FLCN: variants seen among roughly 807,000 people sequenced by gnomAD.
The protein encoded by FLCN is folliculin.
A neutral mutation model predicts 62.5 loss-of-function variants in FLCN; 22 were observed. The observed-to-expected ratio is 0.35, with a 90% confidence interval of 0.25 to 0.50. The LOEUF is 0.50. FLCN is among the 20% of genes least tolerant of loss of function. The pLI is 0.97. For synonymous variants in FLCN, 319 were observed against 310.0 expected (o/e 1.03, Z -0.30); for missense variants, 657 against 778.0 (o/e 0.84, Z 1.85).
chr17:17,235,015 G>A (rs182152167), intron 1 of FLCN, among the ~76,000 whole-genome samples: 87 of 152,000 alleles, frequency 5.7e-4, no homozygotes, highest in Non-Finnish European at 1.2e-3. Flanking sequence ...GGGAGGCCGA[G>A]GGAGGAGAAT....
At chr17:17,219,505 C>G in intron 8 of FLCN, 1 of 402,012 alleles carries the variant, frequency 2.5e-6, no homozygotes, top group Non-Finnish European at 4.6e-6. Flanking sequence ...AGCGTGTCTA[C>G]GGAACACACC....
At chr17:17,235,522 T>A (rs1053622769) in intron 1 of FLCN, 2 of 152,242 alleles carry the variant, frequency 1.3e-5, no homozygotes, top group Admixed American at 1.3e-4. Flanking sequence ...ACTCCATGGA[T>A]CATGTGCACC....
chr17:17,237,329 C>G (rs8077113), upstream of FLCN: 9,732 of 152,574 alleles, frequency 0.064, 995 homozygotes, highest in African/African-American at 0.21. Context: ...CGAGGTCTGA[C>G]TGGGAAGCAG....
Position 17,224,038 on chromosome 17 carries a change from G to A in FLCN, c.502C>T (p.Arg168Cys), listed in dbSNP as rs587778367. ...ATGATGGTGATGATGCTGTACCAGC[G>A]CTGGAAGCCCCTGGCCAGGCTGTCC... ...IKDSLARGFQ[R>C]WYSIITIMMD... is the part of the protein sequence containing the mutation. The change falls in exon 6 of 14, where the codon CGC (arginine) becomes TGC (cysteine). Residue 168 changes from arginine (R) to cysteine (C), a missense_variant. Transcript: ENST00000285071. 9.3e-6 allele frequency: 15 copies of A among 1,613,756 alleles called. No homozygotes were observed. Among genetic ancestry groups the A allele is most frequent in the Non-Finnish European group, 1.3e-5 (15 of 1,180,040 alleles).
At chr17:17,214,581 C>T (rs754205232) in intron 13 of FLCN, among the ~76,000 whole-genome samples, 10 of 151,706 alleles carry the variant, frequency 6.6e-5, no homozygotes, top group Non-Finnish European at 1.5e-4. Flanking sequence ...GCAACAAGAG[C>T]CAAACTCTGA....
Position 17,222,530 on chromosome 17 carries a change from C to G in FLCN, c.750G>C (p.Leu250=). The G allele has an allele frequency of 6.2e-7, 1 of 1,614,266 alleles. No homozygotes were observed. Among genetic ancestry groups the G allele is most frequent in the Non-Finnish European group, 8.5e-7 (1 of 1,180,052 alleles). ...CAAAGGAGGTGTGCAGGCACGCCCA[C>G]AGGTTGTCATCACTTGTCAGCGATG... ...SLTSLTSDDN[L]WACLHTSFAW... is the part of the protein sequence containing the mutation. Residue 250 remains leucine, a synonymous_variant, in exon 7 of 14, where the codon CTG becomes CTC. Transcript: ENST00000285071.
At chr17:17,229,771 C>G (rs561852843) in intron 3 of FLCN, among the ~76,000 whole-genome samples, 8 of 152,308 alleles carry the variant, frequency 5.3e-5, no homozygotes, top group African/African-American at 1.9e-4. Flanking sequence ...AAAAAGCTCA[C>G]AGGAGTGGGT....
rs1197864163 is a variant in FLCN at position 17,212,952 on chromosome 17, T to G, written c.*703A>C. On this transcript the variant is annotated 3_prime_UTR_variant, in exon 14 of 14. Transcript: ENST00000285071. Reference sequence around the variant, plus strand: ...TATCCAGGGGATTGGGCAAGTCAGATGCTTGCCGACCCCTCAGCAACCTGT... The same window carrying G: ...TATCCAGGGGATTGGGCAAGTCAGAGGCTTGCCGACCCCTCAGCAACCTGT... 1 of 236,358 alleles carries G rather than the reference T, an allele frequency of 4.2e-6. No individual in the cohort carries two copies. The highest frequency in any genetic ancestry group is 8.3e-6 in the Non-Finnish European group (1 of 119,914). The allele number at this position is 236,358 out of a possible 1,614,324, so 14.6% of individuals were successfully genotyped here. A position where few individuals can be genotyped will look rare whatever the true frequency, so the allele number is the denominator to read the frequency against.
At chr17:17,219,833 G>A (rs116244276) in intron 8 of FLCN, 5,066 of 154,086 alleles carry the variant, frequency 0.033, 248 homozygotes, top group African/African-American at 0.11. Context: ...TCGGCCTCCC[G>A]GTCCACTTTT....
chr17:17,235,130 A>T (rs1253228120), intron 1 of FLCN, among the ~76,000 whole-genome samples: 1 of 134,800 alleles, frequency 7.4e-6, no homozygotes, highest in Non-Finnish European at 1.6e-5. Context: ...AAAAAAAAAA[A>T]GCCAGGCATG....
intron 8 of FLCN, chr17:17,221,248 G>A (rs1055342195): frequency 3.1e-5 from 48 of 1,539,394 alleles, no homozygotes; most frequent in Non-Finnish European, 3.6e-5. Context: ...AAATCGGGAC[G>A]AGAAGCCTTT....
chr17:17,235,474 A>C (rs542154259), intron 1 of FLCN: 8 of 152,284 alleles, frequency 5.3e-5, no homozygotes, highest in South Asian at 2.1e-4. Context: ...AGAAAGAAAG[A>C]AAGCAAAAGC....
chr17:17,228,637 C>G (rs543198678), intron 3 of FLCN: 3 of 175,578 alleles, frequency 1.7e-5, no homozygotes, highest in African/African-American at 7.1e-5. Flanking sequence ...TGCAGGGGGT[C>G]GGCGGGGGAC....
intron 8 of FLCN, chr17:17,221,090 C>T: frequency 8.1e-7 from 1 of 1,238,392 alleles, no homozygotes. Context: ...GGGCCCCAAG[C>T]CCCAGATCAG....
Position 17,213,600 on chromosome 17 carries a change from G to A in FLCN, c.*55C>T, listed in dbSNP as rs2046812812. 6.2e-7 allele frequency: 1 copy of A among 1,608,012 alleles called. No individual in the cohort carries two copies. The highest frequency in any genetic ancestry group is 2.2e-5 in the East Asian group (1 of 44,840). On this transcript the variant is annotated 3_prime_UTR_variant, in exon 14 of 14. Transcript: ENST00000285071. ...CTCAAGGGACAGTCCCTCTCACGGG[G>A]CTGGAGGATCCTGTGGACAGCCATC...
intron 8 of FLCN, chr17:17,219,432 T>C (rs758625660): frequency 2.5e-5 from 14 of 567,556 alleles, no homozygotes; most frequent in African/African-American, 1.3e-4. Flanking sequence ...GAAGCACTTA[T>C]GGAAAGACCG....
chr17:17,221,937 C>T (rs145004735), intron 7 of FLCN, among the ~76,000 whole-genome samples: 1 of 151,870 alleles, frequency 6.6e-6, no homozygotes, highest in Non-Finnish European at 1.5e-5. Flanking sequence ...TGCACAAGGG[C>T]TTGCAGCCTG....
intron 8 of FLCN, 99 bp downstream of exon 8, chr17:17,221,438 C>A (rs751923160): frequency 1.2e-6 from 2 of 1,614,034 alleles, no homozygotes; most frequent in African/African-American, 1.3e-5. Context: ...TTCAGAGCCG[C>A]GTTTCCCTCC....
Position 17,219,048 on chromosome 17 carries a change from C to T in FLCN, c.1033G>A (p.Val345Ile). 6.2e-7 allele frequency: 1 copy of T among 1,613,884 alleles called. No homozygotes were observed. Among genetic ancestry groups the T allele is most frequent in the Non-Finnish European group, 8.5e-7 (1 of 1,179,930 alleles). The change falls in exon 9 of 14, where the codon GTC becomes ATC. Residue 345 changes from valine (V) to isoleucine (I), a missense_variant. By Grantham distance (29) the Val-to-Ile change is conservative. Coordinates refer to ENST00000285071, the MANE Select transcript of FLCN (RefSeq NM_144997.7). ...CGSWQPRKLP[V>I]FKSLRHMRQV... ...CTCATGTGCCGGAGGGACTTGAAGACTGGCAGCTTCCGGGGCTGCCAGCTC... is the reference window on the plus strand; with the variant it reads ...CTCATGTGCCGGAGGGACTTGAAGATTGGCAGCTTCCGGGGCTGCCAGCTC...
Sources: allele counts gnomAD v4.1 joint callset (sites outside exome capture counted in the v4.1 genomes callset), GRCh38; gene constraint gnomAD v4.1.1; transcripts MANE v1.5; gene names NCBI Gene and HGNC (gene_info 2026-07-23, HGNC 2026-07-21).